TRPM3: variants seen among roughly 807,000 people sequenced by gnomAD.
TRPM3 encodes the protein transient receptor potential cation channel subfamily M member 3.
Under a neutral mutation model 181.2 loss-of-function variants are expected in TRPM3, and 77 were observed. The ratio of observed to expected loss-of-function variants is 0.42; its 90% CI spans 0.35 to 0.51. The LOEUF (loss-of-function observed/expected upper bound fraction) is 0.51. Among genes scored for constraint, TRPM3 ranks in the 20% least tolerant of loss-of-function variants. The pLI is 0.01. For missense variants in TRPM3, 1,759 were observed against 2,196.7 expected (o/e 0.80, Z 3.98); for synonymous variants, 745 against 796.4 (o/e 0.94, Z 1.09).
intron 1 of TRPM3, among the ~76,000 whole-genome samples, chr9:71,339,763 G>A (rs375338459): frequency 6.6e-6 from 1 of 152,058 alleles, no homozygotes; most frequent in African/African-American, 2.4e-5. Flanking sequence ...TGACTCTGAG[G>A]GGGTAGCAGG....
At chr9:71,302,372 T>C (rs1306115312) in intron 1 of TRPM3, among the ~76,000 whole-genome samples, 2 of 152,182 alleles carry the variant, frequency 1.3e-5, no homozygotes, top group Non-Finnish European at 1.5e-5. Flanking sequence ...ACCTAATTGA[T>C]ATGAAAGTCT....
At chr9:71,123,321 G>C (rs1224579864), upstream of TRPM3, among the ~76,000 whole-genome samples, 1 of 152,156 alleles carries the variant, frequency 6.6e-6, no homozygotes, top group Non-Finnish European at 1.5e-5. Context: ...CATGAATTCT[G>C]GAATCAAGCT....
Position 70,552,933 on chromosome 9 carries a change from A to C in TRPM3, c.3485T>G (p.Ile1162Ser). 1 of 1,614,178 alleles carries C rather than the reference A, an allele frequency of 6.2e-7. No individual in the cohort carries two copies. Among genetic ancestry groups the C allele is most frequent in the Non-Finnish European group, 8.5e-7 (1 of 1,180,020 alleles). ...ERPVLPPPLI[I>S]FSHMTMIFQH... ...GAATATCATGGTCATGTGGCTGAAG[A>C]TGATCAGTGGTGGGGGCAGAACTGG... Residue 1162 changes from isoleucine to serine, a missense_variant, in exon 24 of 26, where the codon ATC (isoleucine) becomes AGC (serine). By Grantham distance (142) the Ile-to-Ser change is moderately radical (BLOSUM62 -2). This residue lies in a region of TRPM3 where 96 missense variants were observed against 129.6 expected (regional missense o/e 0.74). Coordinates refer to ENST00000677713, the MANE Select transcript of TRPM3 (RefSeq NM_001366145.2).
At chr9:71,158,622 T>C (rs2076119977) in intron 1 of TRPM3, among the ~76,000 whole-genome samples, 1 of 152,170 alleles carries the variant, frequency 6.6e-6, no homozygotes, top group Non-Finnish European at 1.5e-5. Context: ...GTAATGCTTC[T>C]TTGAAATTAG....
intron 1 of TRPM3, among the ~76,000 whole-genome samples, chr9:71,060,124 A>T (rs1299357085): frequency 6.6e-6 from 1 of 152,116 alleles, no homozygotes; most frequent in Admixed American, 6.5e-5. Context: ...TATAGCAGGC[A>T]TATCTGGGAT....
intron 1 of TRPM3, among the ~76,000 whole-genome samples, chr9:71,259,168 G>A (rs2082872024): frequency 2.0e-5 from 3 of 152,098 alleles, no homozygotes; most frequent in African/African-American, 7.2e-5. Context: ...CCATGTGTCA[G>A]TTTGCTGAGA....
At chr9:71,257,315 T>G (rs76932191) in intron 1 of TRPM3, among the ~76,000 whole-genome samples, 118 of 152,184 alleles carry the variant, frequency 7.8e-4, no homozygotes, top group African/African-American at 2.8e-3. Flanking sequence ...GATGATAGGT[T>G]GGTAGAGTGT....
At chr9:71,340,361 G>C (rs536140313) in intron 1 of TRPM3, among the ~76,000 whole-genome samples, 3 of 152,086 alleles carry the variant, frequency 2.0e-5, no homozygotes, top group Admixed American at 6.6e-5. Flanking sequence ...TTGGTGAAAT[G>C]GTTTGGCTGT....
At chr9:70,919,823 A>G (rs1486802888) in intron 1 of TRPM3, among the ~76,000 whole-genome samples, 1 of 151,548 alleles carries the variant, frequency 6.6e-6, no homozygotes, top group Non-Finnish European at 1.5e-5. Flanking sequence ...CCATACTCCT[A>G]TGATATTTTG....
chr9:71,392,789 T>C (rs564865707), intron 1 of TRPM3, among the ~76,000 whole-genome samples: 256 of 152,288 alleles, frequency 1.7e-3, no homozygotes, highest in African/African-American at 5.8e-3. Context: ...TTGTACCCTA[T>C]ACAGCATGGA....
intron 1 of TRPM3, among the ~76,000 whole-genome samples, chr9:71,145,842 T>A (rs2075373408): frequency 1.3e-5 from 2 of 152,158 alleles, no homozygotes; most frequent in African/African-American, 4.8e-5. Context: ...AGAAGGAAAT[T>A]CCAAAGTACA....
chr9:71,375,647 G>C (rs2132833937), intron 1 of TRPM3, among the ~76,000 whole-genome samples: 1 of 152,218 alleles, frequency 6.6e-6, no homozygotes, highest in South Asian at 2.1e-4. Flanking sequence ...CTAATATCCA[G>C]AATCTACAAG....
At chr9:71,303,953 G>A (rs754052308) in intron 1 of TRPM3, among the ~76,000 whole-genome samples, 2 of 151,676 alleles carry the variant, frequency 1.3e-5, no homozygotes, top group Non-Finnish European at 2.9e-5. Context: ...ACACACTTGA[G>A]GCTAGCCATT....
At chr9:71,016,139 C>CA (rs58566593) in intron 1 of TRPM3, among the ~76,000 whole-genome samples, 386 of 117,140 alleles carry the variant, frequency 3.3e-3, no homozygotes, top group African/African-American at 0.011. Flanking sequence ...GACTCCCTCT[C>CA]AAAAAAAAAA....
At chr9:71,034,192 G>C (rs2057893624) in intron 1 of TRPM3, among the ~76,000 whole-genome samples, 1 of 152,194 alleles carries the variant, frequency 6.6e-6, no homozygotes, top group Non-Finnish European at 1.5e-5. Context: ...TGACTGCCAT[G>C]ATAGCCTCAT....
chr9:71,081,154 T>C (rs1255490137), intron 1 of TRPM3, among the ~76,000 whole-genome samples: 3 of 152,170 alleles, frequency 2.0e-5, no homozygotes, highest in African/African-American at 7.2e-5. Flanking sequence ...CAAATTGAAA[T>C]GTACTCTGCC....
chr9:71,347,740 T>C lies in TRPM3; in HGVS notation c.183+98913A>G, dbSNP rs181357177. Among the ~76,000 whole-genome samples the C allele has an allele frequency of 5.7e-3, 873 of 152,222 alleles. 14 individuals are homozygous for C. Among genetic ancestry groups the C allele is most frequent in the African/African-American group, 0.02 (837 of 41,538 alleles). On this transcript the variant is annotated intron_variant, in intron 1 of 24. Transcript: ENST00000357533. ...GCCTGGGCAACATAGTGAGGCCTCG[T>C]GTTTATTAAAAACATTTTGATTAAA...
chr9:70,772,283 A>G (rs1250398448), intron 7 of TRPM3, among the ~76,000 whole-genome samples: 1 of 151,856 alleles, frequency 6.6e-6, no homozygotes, highest in Admixed American at 6.6e-5. Flanking sequence ...CTCTGGTTGG[A>G]TATCACAGAT....
intron 1 of TRPM3, among the ~76,000 whole-genome samples, chr9:71,267,942 T>TA (rs1187800351): frequency 6.6e-6 from 1 of 152,208 alleles, no homozygotes; most frequent in Non-Finnish European, 1.5e-5. Context: ...TCAATGTATT[T>TA]AAAATCTCTT....
Sources: gnomAD v4.1 joint callset for allele counts (sites outside exome capture counted in the v4.1 genomes callset) on GRCh38, gnomAD v4.1.1 for gene constraint, gnomAD v4.1.1 regional missense constraint, MANE v1.5 for transcripts, NCBI Gene and HGNC (gene_info 2026-07-23, HGNC 2026-07-21) for gene names.